Variants in SFMBT2 observed in about 807,000 individuals in gnomAD.
SFMBT2 encodes the protein scm-like with four MBT domains protein 2.
Under a neutral mutation model 110.1 loss-of-function variants are expected in SFMBT2, and 38 were observed. The observed-to-expected ratio is 0.35, with a 90% CI of 0.27 to 0.45. The LOEUF (loss-of-function observed/expected upper bound fraction) is 0.45. Ranked by LOEUF, SFMBT2 falls within the 20% of genes least tolerant of loss-of-function variation. The probability of loss-of-function intolerance (pLI) is 1.00; values close to 1 mark genes in which losing one functional copy is unlikely to be tolerated. For missense variants in SFMBT2, 1,011 were observed against 1,094.9 expected (o/e 0.92, Z 1.08); for synonymous variants, 425 against 425.4 (o/e 1.00, Z 0.01).
At chr10:7,173,114 T>A (rs755181053) in intron 17 of SFMBT2, among the ~76,000 whole-genome samples, 1 of 152,218 alleles carries the variant, frequency 6.6e-6, no homozygotes, top group Non-Finnish European at 1.5e-5. Flanking sequence ...GATCTTGGAC[T>A]TCCAGCTTCC....
intron 7 of SFMBT2, among the ~76,000 whole-genome samples, chr10:7,268,773 A>C (rs1168243865): frequency 6.6e-6 from 1 of 152,228 alleles, no homozygotes; most frequent in African/African-American, 2.4e-5. Context: ...GGCCTCCCAA[A>C]GTGCTGCGAT....
chr10:7,358,163 GCATGGCCCTGTGACCTCAA>G (rs1397608584), intron 4 of SFMBT2, among the ~76,000 whole-genome samples: 307 of 135,184 alleles, frequency 2.3e-3, no homozygotes, highest in Non-Finnish European at 3.7e-3. Context: ...TGGAACATCT[GCATGGCCCTGTGACCTCAA>G]CATGGCCCTA....
rs552239437 is a variant in SFMBT2 at position 7,237,561 on chromosome 10, C to T, written c.1120+5997G>A. ...AATCTTTAGGAGGGTGCTCACCTTG[C>T]GGAGGATGAGGGGTGAAGGGCTAGG... is the stretch of plus-strand genomic sequence containing the variant. On this transcript the variant is annotated intron_variant, in intron 9 of 20. Coordinates refer to ENST00000397167, the MANE Select transcript of SFMBT2 (RefSeq NM_001387889.1). Among the ~76,000 whole-genome samples, 29 of 152,122 alleles carry T rather than the reference C, an allele frequency of 1.9e-4. No individual in the cohort carries two copies. In the South Asian group the frequency reaches 2.1e-3, roughly 11 times the overall value.
At chr10:7,338,768 T>C (rs1344828628) in intron 4 of SFMBT2, among the ~76,000 whole-genome samples, 1 of 152,180 alleles carries the variant, frequency 6.6e-6, no homozygotes, top group Admixed American at 6.5e-5. Flanking sequence ...CACATCTTCT[T>C]CTAAGTCTGC....
At chr10:7,259,696 C>T (rs964914902) in intron 7 of SFMBT2, among the ~76,000 whole-genome samples, 4 of 152,158 alleles carry the variant, frequency 2.6e-5, no homozygotes, top group African/African-American at 4.8e-5. Context: ...GTGGTCTCCT[C>T]CCCCTACACT....
intron 14 of SFMBT2, chr10:7,198,299 G>T: frequency 4.4e-6 from 1 of 228,398 alleles, no homozygotes; most frequent in Non-Finnish European, 7.3e-6. Flanking sequence ...TAGCTGTCTA[G>T]TCTCTTACTG....
chr10:7,380,582 T>C (rs970073449), intron 2 of SFMBT2, among the ~76,000 whole-genome samples: 5 of 152,182 alleles, frequency 3.3e-5, no homozygotes, highest in East Asian at 1.9e-4. Context: ...GAATTCACCA[T>C]AGCTAATGTT....
chr10:7,304,444 T>C (rs934364220), intron 4 of SFMBT2, among the ~76,000 whole-genome samples: 1 of 152,314 alleles, frequency 6.6e-6, no homozygotes, highest in South Asian at 2.1e-4. Flanking sequence ...TCTTTCTTCA[T>C]AGCAGAGTGA....
chr10:7,267,751 A>G (rs979638532), intron 7 of SFMBT2, among the ~76,000 whole-genome samples: 1 of 152,242 alleles, frequency 6.6e-6, no homozygotes, highest in African/African-American at 2.4e-5. Flanking sequence ...GAGATTTTCA[A>G]TATTTTTTTA....
At chr10:7,277,473 G>C (rs1240743204) in intron 6 of SFMBT2, 1 of 241,250 alleles carries the variant, frequency 4.1e-6, no homozygotes, top group Admixed American at 6.5e-5. Context: ...AATAGTCCCT[G>C]TAAGTCAGAA....
intron 1 of SFMBT2, among the ~76,000 whole-genome samples, chr10:7,386,469 A>G (rs1439769589): frequency 6.6e-6 from 1 of 152,108 alleles, no homozygotes; most frequent in African/African-American, 2.4e-5. Flanking sequence ...TTAGCCAGGC[A>G]TGGTGGCACA....
intron 4 of SFMBT2, among the ~76,000 whole-genome samples, chr10:7,332,245 G>A (rs2131961926): frequency 6.6e-6 from 1 of 151,802 alleles, no homozygotes; most frequent in Non-Finnish European, 1.5e-5. Context: ...TGTTTCAGTG[G>A]ATGAACTTCA....
chr10:7,282,201 A>C (rs1301622632), intron 6 of SFMBT2, among the ~76,000 whole-genome samples: 1 of 152,202 alleles, frequency 6.6e-6, no homozygotes, highest in Non-Finnish European at 1.5e-5. Context: ...TTATTCATAT[A>C]TTATAAAGAC....
intron 4 of SFMBT2, among the ~76,000 whole-genome samples, chr10:7,340,799 C>A (rs1388312098): frequency 7.1e-6 from 1 of 140,922 alleles, no homozygotes; most frequent in Non-Finnish European, 1.5e-5. Flanking sequence ...GAGGTCCCAG[C>A]AGTCATTGAC....
intron 11 of SFMBT2, among the ~76,000 whole-genome samples, chr10:7,215,256 T>A (rs1839495088): frequency 6.6e-6 from 1 of 151,858 alleles, no homozygotes; most frequent in African/African-American, 2.4e-5. Context: ...ACAAAAGAAA[T>A]TAGCCAGGTG....
intron 2 of SFMBT2, among the ~76,000 whole-genome samples, chr10:7,377,369 G>A (rs1845267227): frequency 6.6e-6 from 1 of 152,130 alleles, no homozygotes; most frequent in African/African-American, 2.4e-5. Context: ...CACCGGTTTT[G>A]TAGAAGACAA....
rs1230017526 is a variant in SFMBT2 at position 7,159,983 on chromosome 10, CT to C, written c.*3786del. On this transcript the variant is annotated 3_prime_UTR_variant, in exon 21 of 21. Transcript: ENST00000397167. ...CTTCAAAAGGCTGATCAAAATCAAC[CT>C]TCTAGAGAGGGCAGTGTTCAAGGTG... 2 of 152,136 alleles carry C rather than the reference CT, an allele frequency of 1.3e-5. No homozygotes were observed. The highest frequency in any genetic ancestry group is 2.9e-5 in the Non-Finnish European group (2 of 68,034). 9.4% of individuals were successfully genotyped at this position (152,136 alleles called of 1,614,324 possible). A position where few individuals can be genotyped will look rare whatever the true frequency, so the allele number is the denominator to read the frequency against.
At chr10:7,185,905 T>C (rs914932399) in intron 16 of SFMBT2, among the ~76,000 whole-genome samples, 5 of 152,080 alleles carry the variant, frequency 3.3e-5, no homozygotes, top group African/African-American at 1.2e-4. Context: ...AAATTGAGCA[T>C]ATTTAAATTC....
intron 15 of SFMBT2, among the ~76,000 whole-genome samples, chr10:7,193,627 G>A (rs1230398337): frequency 6.6e-6 from 1 of 152,172 alleles, no homozygotes; most frequent in East Asian, 1.9e-4. Flanking sequence ...CCACGGACAG[G>A]AGTAAATAGA....
Sources: allele counts gnomAD v4.1 joint callset (sites outside exome capture counted in the v4.1 genomes callset), GRCh38; gene constraint gnomAD v4.1.1; transcripts MANE v1.5; gene names NCBI Gene and HGNC (gene_info 2026-07-23, HGNC 2026-07-21).